The following OR14J1 variants were observed in gnomAD, a reference collection of about 807,000 sequenced individuals.
The protein encoded by OR14J1 is olfactory receptor family 14 subfamily J member 1.
For missense variants in OR14J1, 378 were observed against 393.4 expected (o/e 0.96, Z 0.33); for synonymous variants, 140 against 146.7 (o/e 0.95, Z 0.33).
intron 1 of OR14J1, among the ~76,000 whole-genome samples, chr6:29,304,072 G>T (rs1774901959): frequency 6.6e-6 from 1 of 152,038 alleles, no homozygotes; most frequent in Admixed American, 6.6e-5. Context: ...AGATCATTTC[G>T]TTTATATACA....
Position 29,307,715 on chromosome 6 carries a change from T to C in OR14J1, c.*60T>C. 2 of 973,284 alleles carry C rather than the reference T, an allele frequency of 2.1e-6. No homozygotes were observed. The highest frequency in any genetic ancestry group is 2.2e-5 in the Admixed American group (1 of 45,148). 60.3% of individuals were successfully genotyped at this position (973,284 alleles called of 1,614,324 possible). Reference sequence around the variant, plus strand: ...TTCAGATTGGAAGAGAGGTGAATCTTATTTCTACCCAGAATGCTCTTCCAA... The same window carrying C: ...TTCAGATTGGAAGAGAGGTGAATCTCATTTCTACCCAGAATGCTCTTCCAA... On this transcript the variant is annotated 3_prime_UTR_variant, in exon 2 of 2. Coordinates refer to ENST00000641895, the MANE Select transcript of OR14J1 (RefSeq NM_030946.2).
At position 29,311,406 on chromosome 6, in the gene OR14J1, A is replaced by C. The variant is rs1466416481; in HGVS notation, c.*3751A>C. On this transcript the variant is annotated 3_prime_UTR_variant, in exon 2 of 2. Coordinates refer to ENST00000641895, the MANE Select transcript of OR14J1 (RefSeq NM_030946.2). ...GTCATTGGTTCTGTTTATGTGATAG[A>C]TTCCATTTATTGATTTGCATATTTG... is the stretch of plus-strand genomic sequence containing the variant. 4 of 152,192 alleles carry C rather than the reference A, an allele frequency of 2.6e-5. No homozygotes were observed. Among genetic ancestry groups the C allele is most frequent in the Admixed American group, 6.5e-5 (1 of 15,268 alleles). 9.4% of individuals were successfully genotyped at this position (152,192 alleles called of 1,614,324 possible). A position where few individuals can be genotyped will look rare whatever the true frequency, so the allele number is the denominator to read the frequency against.
Position 29,309,715 on chromosome 6 carries a change from C to G in OR14J1, c.*2060C>G, listed in dbSNP as rs1473528269. Reference sequence around the variant, plus strand: ...AGTGTCTGTCAGGCCGGGGCATTGGCTCATGCCTGTAATCCCAGCATTTTA... The same window carrying G: ...AGTGTCTGTCAGGCCGGGGCATTGGGTCATGCCTGTAATCCCAGCATTTTA... On this transcript the variant is annotated 3_prime_UTR_variant, in exon 2 of 2. Transcript: ENST00000641895. 1.3e-5 allele frequency: 2 copies of G among 152,204 alleles called. No individual in the cohort carries two copies. Among genetic ancestry groups the G allele is most frequent in the African/African-American group, 4.8e-5 (2 of 41,428 alleles). The allele number at this position is 152,204 out of a possible 1,614,324, so 9.4% of individuals were successfully genotyped here.
In OR14J1 at chr6:29,312,006, T is replaced by C. The variant is rs987315500; in HGVS notation, c.*4351T>C. The C allele has an allele frequency of 1.3e-5, 2 of 152,208 alleles. No individual in the cohort carries two copies. The highest frequency in any genetic ancestry group is 4.8e-5 in the African/African-American group (2 of 41,458). The allele number at this position is 152,208 out of a possible 1,614,324, so 9.4% of individuals were successfully genotyped here. On this transcript the variant is annotated 3_prime_UTR_variant, in exon 2 of 2. Transcript: ENST00000641895. ...CTATTGATTTTTCTCTCTTGTCTTC[T>C]TTATTAGTCTGGCTAGCAGTCTACT...
chr6:29,306,696 A>G lies in OR14J1; in HGVS notation c.7A>G (p.Asn3Asp). The G allele has an allele frequency of 7.5e-6, 12 of 1,608,250 alleles. No individual in the cohort carries two copies. The highest frequency in any genetic ancestry group is 1.0e-5 in the Non-Finnish European group (12 of 1,176,040). MV[N>D]LTSMSGFLLM... ...TGGTATCTTCAGAGAGACTATGGTC[A>G]ATTTGACTTCAATGAGTGGATTCCT... The change falls in exon 2 of 2, where the codon AAT becomes GAT. Residue 3 changes from asparagine to aspartate, a missense_variant. Asn to Asp is a conservative substitution (Grantham distance 23, BLOSUM62 1). Coordinates refer to ENST00000641895, the MANE Select transcript of OR14J1 (RefSeq NM_030946.2).
At chr6:29,301,875 G>A (rs532913224) in intron 1 of OR14J1, 88 bp downstream of exon 1, 32 of 152,182 alleles carry the variant, frequency 2.1e-4, no homozygotes, top group African/African-American at 7.0e-4. Context: ...AGTCTTCAAA[G>A]TTATAACTCT....
At chr6:29,302,193 T>C (rs1353258274) in intron 1 of OR14J1, among the ~76,000 whole-genome samples, 1 of 145,868 alleles carries the variant, frequency 6.9e-6, no homozygotes, top group Non-Finnish European at 1.5e-5. Context: ...TTTTTTTTTT[T>C]TTTTGAGACG....
Position 29,302,764 on chromosome 6 carries a change from A to G in OR14J1, c.-29+977A>G, listed in dbSNP as rs749422604. ...AGCTAAAAGCTAAATTAATGTTACA[A>G]GATGTGATCTGCATCACCATTTGTC... On this transcript the variant is annotated intron_variant, in intron 1 of 1. Coordinates refer to ENST00000641895, the MANE Select transcript of OR14J1 (RefSeq NM_030946.2). 6.6e-5 allele frequency among the ~76,000 whole-genome samples: 10 copies of G among 152,244 alleles called. No individual in the cohort carries two copies. The East Asian group carries it at 7.7e-4, about 12-fold the overall frequency.
rs561514852 is a variant in OR14J1, at chr6:29,302,147, A to G, written c.-29+360A>G. 1.3e-3 allele frequency among the ~76,000 whole-genome samples: 196 copies of G among 148,356 alleles called. 1 individual carries two copies. Among genetic ancestry groups the G allele is most frequent in the African/African-American group, 4.7e-3 (185 of 39,754 alleles). ...AAAGATAGTTAAGTATTTGCCAAAC[A>G]AATGAGGGGAGATTTTTTTTCTTTT... On this transcript the variant is annotated intron_variant, in intron 1 of 1. Coordinates refer to ENST00000641895, the MANE Select transcript of OR14J1 (RefSeq NM_030946.2).
chr6:29,312,246 G>A lies in OR14J1; in HGVS notation c.*4591G>A, dbSNP rs1170425177. 5.3e-5 allele frequency: 8 copies of A among 151,764 alleles called. No individual in the cohort carries two copies. Among genetic ancestry groups the A allele is most frequent in the African/African-American group, 1.9e-4 (8 of 41,352 alleles). 9.4% of individuals were successfully genotyped at this position (151,764 alleles called of 1,614,324 possible). A position where few individuals can be genotyped will look rare whatever the true frequency, so the allele number is the denominator to read the frequency against. ...TCCTGCTTTCTCCTGTGGGCATTTA[G>A]TGCTATAAATTTCCCTTTAAACACT... On this transcript the variant is annotated 3_prime_UTR_variant, in exon 2 of 2. Coordinates refer to ENST00000641895, the MANE Select transcript of OR14J1 (RefSeq NM_030946.2).
chr6:29,307,581 G>C lies in OR14J1; in HGVS notation c.892G>C (p.Ala298Pro), dbSNP rs765295589. 1.9e-6 allele frequency: 3 copies of C among 1,611,822 alleles called. No individual in the cohort carries two copies. The African/African-American group carries it at 4.0e-5, about 22-fold the overall frequency. The change falls in exon 2 of 2, where the codon GCA (alanine) becomes CCA (proline). Residue 298 changes from alanine (A) to proline (P), a missense_variant. Ala to Pro is a conservative substitution (Grantham distance 27). Coordinates refer to ENST00000641895, the MANE Select transcript of OR14J1 (RefSeq NM_030946.2). Reference protein sequence around the residue: ...YSLRNDSMKAALRKMLSKEEL... With the variant: ...YSLRNDSMKAPLRKMLSKEEL... Reference sequence around the variant, plus strand: ...CTTACGGAATGATTCCATGAAGGCAGCACTGAGGAAGATGCTGTCAAAGGA... The same window carrying C: ...CTTACGGAATGATTCCATGAAGGCACCACTGAGGAAGATGCTGTCAAAGGA...
rs753566085 is a variant in OR14J1 at position 29,306,956 on chromosome 6, C to A, written c.267C>A (p.Tyr89Ter). 1 of 1,613,110 alleles carries A rather than the reference C, an allele frequency of 6.2e-7. No individual in the cohort carries two copies. Among genetic ancestry groups the A allele is most frequent in the South Asian group, 1.1e-5 (1 of 91,084 alleles). ...SIANSLMGNG[Y>*]ISLVQCILQV... ...CAAATTCACTTATGGGCAACGGTTA[C>A]ATTTCTCTTGTTCAGTGCATTCTTC... Residue 89 changes from tyrosine (Y) to a stop codon, truncating the protein, a stop_gained, in exon 2 of 2, where the codon TAC (tyrosine) becomes TAA (stop). Coordinates refer to ENST00000641895, the MANE Select transcript of OR14J1 (RefSeq NM_030946.2). LOFTEE classifies it low-confidence loss of function (END_TRUNC).
intron 1 of OR14J1, among the ~76,000 whole-genome samples, chr6:29,303,231 GAA>G (rs938248532): frequency 6.6e-6 from 1 of 152,148 alleles, no homozygotes; most frequent in Non-Finnish European, 1.5e-5. Flanking sequence ...AGTACAGAAA[GAA>G]AGTGTCAGGA....
Position 29,307,125 on chromosome 6 carries a change from G to C in OR14J1, c.436G>C (p.Val146Leu). The stretch of plus-strand genomic sequence containing the variant: ...TGCCTGTAGGCATGCAGTGATAGCT[G>C]TGTGGATTGCTGGGGGCCTCTCTGG... ...PRACRHAVIA[V>L]WIAGGLSGLM... Residue 146 changes from valine (V) to leucine (L), a missense_variant, in exon 2 of 2, where the codon GTG becomes CTG. Coordinates refer to ENST00000641895, the MANE Select transcript of OR14J1 (RefSeq NM_030946.2). 3.1e-6 allele frequency: 5 copies of C among 1,613,006 alleles called. No individual in the cohort carries two copies. The highest frequency in any genetic ancestry group is 4.2e-6 in the Non-Finnish European group (5 of 1,180,026).
chr6:29,307,527 C>G lies in OR14J1; in HGVS notation c.838C>G (p.Pro280Ala). Residue 280 changes from proline (P) to alanine (A), a missense_variant, in exon 2 of 2, where the codon CCT (proline) becomes GCT (alanine). Coordinates refer to ENST00000641895, the MANE Select transcript of OR14J1 (RefSeq NM_030946.2). ...ATTCTCCGTATTCTATACTGTGATA[C>G]CTCCAACACTCAATCCAGTCATTTA... ...LVFSVFYTVIPPTLNPVIYSL... is the reference protein window; with the variant it reads ...LVFSVFYTVIAPTLNPVIYSL... 1.9e-6 allele frequency: 3 copies of G among 1,612,690 alleles called. No individual in the cohort carries two copies. Among genetic ancestry groups the G allele is most frequent in the Non-Finnish European group, 2.5e-6 (3 of 1,179,756 alleles).
chr6:29,301,941 A>G (rs2151185932), intron 1 of OR14J1, among the ~76,000 whole-genome samples, 154 bp downstream of exon 1: 1 of 152,336 alleles, frequency 6.6e-6, no homozygotes, highest in African/African-American at 2.4e-5. Context: ...ATAAGCTGCG[A>G]TATCTATGCA....
intron 1 of OR14J1, among the ~76,000 whole-genome samples, chr6:29,303,965 A>G (rs1774894813): frequency 6.6e-6 from 1 of 152,130 alleles, no homozygotes. Context: ...GCGATAGAGC[A>G]AGGTTGAGTA....
Position 29,307,644 on chromosome 6 carries a change from T to C in OR14J1, c.955T>C (p.Phe319Leu). ...PQRKMCLKAM[F>L]KL ...GAGAAAAATGTGCTTAAAAGCCATGTTTAAACTCTGAAGAACCATACAAAT... is the reference window on the plus strand; with the variant it reads ...GAGAAAAATGTGCTTAAAAGCCATGCTTAAACTCTGAAGAACCATACAAAT... Residue 319 changes from phenylalanine (F) to leucine (L), a missense_variant, in exon 2 of 2, where the codon TTT (phenylalanine) becomes CTT (leucine). By Grantham distance (22) the Phe-to-Leu change is conservative. Coordinates refer to ENST00000641895, the MANE Select transcript of OR14J1 (RefSeq NM_030946.2). The C allele has an allele frequency of 1.3e-6, 2 of 1,578,592 alleles. No individual in the cohort carries two copies. Among genetic ancestry groups the C allele is most frequent in the Non-Finnish European group, 1.7e-6 (2 of 1,162,920 alleles).
intron 1 of OR14J1, among the ~76,000 whole-genome samples, chr6:29,305,739 T>G (rs1158645594): frequency 6.6e-6 from 1 of 152,022 alleles, no homozygotes. Context: ...AGATTTTTTT[T>G]TTGTTTGGTT....
Sources: allele counts gnomAD v4.1 joint callset (sites outside exome capture counted in the v4.1 genomes callset), GRCh38; gene constraint gnomAD v4.1.1; transcripts MANE v1.5; gene names NCBI Gene and HGNC (gene_info 2026-07-23, HGNC 2026-07-21).